The following RANBP2 variants were observed in gnomAD, a reference collection of about 807,000 sequenced individuals.
RANBP2 encodes the protein E3 SUMO-protein ligase RanBP2.
RANBP2 carries 57 observed loss-of-function variants against 303.6 expected under a neutral mutation model. The observed-to-expected ratio is 0.19, with a 90% CI of 0.15 to 0.23. The LOEUF is 0.23. RANBP2 is among the 10% of genes least tolerant of loss of function. The pLI is 1.00. For missense variants in RANBP2, 3,138 were observed against 3,780.8 expected, an observed-to-expected ratio of 0.83 and a Z score of 4.46; for synonymous variants, 1,167 against 1,301.5, an observed-to-expected ratio of 0.90 and a Z score of 2.23.
chr2:109,446,059 A>T, the RANBP2 span, among the ~76,000 whole-genome samples: 3 of 152,086 alleles, frequency 2.0e-5, no homozygotes, highest in East Asian at 5.8e-4. Context: ...TTCAAAGAAG[A>T]TGTGGGCTAC....
At chr2:108,986,407 T>TA in the RANBP2 span, among the ~76,000 whole-genome samples, 1,086 of 152,292 alleles carry the variant, frequency 7.1e-3, 8 homozygotes, top group South Asian at 0.028. Flanking sequence ...TACTCCACTC[T>TA]TATTTTTATA....
the RANBP2 span, among the ~76,000 whole-genome samples, chr2:109,376,610 AG>A: frequency 1.3e-5 from 2 of 152,252 alleles, no homozygotes; most frequent in Non-Finnish European, 2.9e-5. Flanking sequence ...TCGGTTGTCC[AG>A]GTAGAGTAAT....
the RANBP2 span, among the ~76,000 whole-genome samples, chr2:109,198,292 G>A: frequency 6.6e-6 from 1 of 152,174 alleles, no homozygotes; most frequent in Non-Finnish European, 1.5e-5. Flanking sequence ...ATCTCTAAAT[G>A]ACAGGAATTT....
chr2:109,648,171 T>C, the RANBP2 span, among the ~76,000 whole-genome samples: 1 of 152,146 alleles, frequency 6.6e-6, no homozygotes, highest in East Asian at 1.9e-4. Context: ...CGGGTGGGAA[T>C]GCTTGGCGTG....
At chr2:109,251,378 T>A in the RANBP2 span, 15 of 660,436 alleles carry the variant, frequency 2.3e-5, no homozygotes, top group African/African-American at 2.3e-4. Context: ...AGGGAGTCTG[T>A]GCATTCCTTT....
chr2:109,282,491 A>G, the RANBP2 span, among the ~76,000 whole-genome samples: 1 of 152,148 alleles, frequency 6.6e-6, no homozygotes, highest in East Asian at 1.9e-4. Flanking sequence ...GAGGGTCACC[A>G]AGACGCCGGC....
chr2:109,478,122 G>A, the RANBP2 span, among the ~76,000 whole-genome samples: 5 of 152,234 alleles, frequency 3.3e-5, no homozygotes, highest in Non-Finnish European at 7.3e-5. Flanking sequence ...CTCTGCAGCC[G>A]GAGAGGAGCT....
At chr2:109,598,857 G>C in the RANBP2 span, among the ~76,000 whole-genome samples, 1 of 151,714 alleles carries the variant, frequency 6.6e-6, no homozygotes, top group Non-Finnish European at 1.5e-5. Flanking sequence ...TCCAGCCTGG[G>C]TGACAGAGTG....
chr2:108,788,701 C>CAT, downstream of RANBP2: 1 of 1,059,662 alleles, frequency 9.4e-7, no homozygotes, highest in Admixed American at 3.0e-5. Context: ...GCCTGGGTGA[C>CAT]AGAGCGAGAC....
chr2:109,380,533 A>G, the RANBP2 span, among the ~76,000 whole-genome samples: 13 of 152,214 alleles, frequency 8.5e-5, no homozygotes, highest in Non-Finnish European at 1.8e-4. Flanking sequence ...CAGTTCTTGT[A>G]TATCTGTGGC....
At chr2:108,846,246 C>T in the RANBP2 span, among the ~76,000 whole-genome samples, 1 of 152,154 alleles carries the variant, frequency 6.6e-6, no homozygotes, top group African/African-American at 2.4e-5. Flanking sequence ...TATGTTCTTA[C>T]ATGTTTTAGA....
the RANBP2 span, chr2:109,732,944 G>A: frequency 1.5e-5 from 10 of 665,728 alleles, no homozygotes; most frequent in Non-Finnish European, 2.0e-5. Flanking sequence ...ACTGTCAAAC[G>A]GTGAAAAAAG....
the RANBP2 span, among the ~76,000 whole-genome samples, chr2:109,192,762 A>G: frequency 6.6e-6 from 1 of 152,218 alleles, no homozygotes; most frequent in African/African-American, 2.4e-5. Context: ...GCAGCCACCC[A>G]TGGAAGTCAC....
the RANBP2 span, among the ~76,000 whole-genome samples, chr2:109,505,515 TA>T: frequency 6.6e-6 from 1 of 152,022 alleles, no homozygotes; most frequent in Non-Finnish European, 1.5e-5. Context: ...GCAAATAAAA[TA>T]ATTTTTTTTA....
chr2:108,878,369 G>A, the RANBP2 span: 1 of 212,618 alleles, frequency 4.7e-6, no homozygotes. Context: ...AAGCAAAATT[G>A]TCTCATTCCC....
the RANBP2 span, among the ~76,000 whole-genome samples, chr2:109,318,190 A>G: frequency 6.6e-6 from 1 of 152,052 alleles, no homozygotes; most frequent in Admixed American, 6.5e-5. Flanking sequence ...TAAGCAAAAC[A>G]TAAGCATTTG....
chr2:109,422,547 A>AG, the RANBP2 span, among the ~76,000 whole-genome samples: 81 of 152,316 alleles, frequency 5.3e-4, no homozygotes, highest in South Asian at 1.4e-3. Flanking sequence ...CAGTGCATGG[A>AG]GGCGACTGTG....
the RANBP2 span, among the ~76,000 whole-genome samples, chr2:108,828,204 A>G: frequency 2.0e-5 from 3 of 152,238 alleles, no homozygotes; most frequent in African/African-American, 7.2e-5. Context: ...GTGAAACCAT[A>G]GAAAACCCAA....
chr2:108,921,780 G>C, the RANBP2 span, among the ~76,000 whole-genome samples: 1 of 152,224 alleles, frequency 6.6e-6, no homozygotes, highest in East Asian at 1.9e-4. Flanking sequence ...CCACCCCAAG[G>C]CCTATCTGGC....
Sources: gnomAD v4.1 joint callset for allele counts (sites outside exome capture counted in the v4.1 genomes callset) on GRCh38, gnomAD v4.1.1 for gene constraint, MANE v1.5 for transcripts, NCBI Gene and HGNC (gene_info 2026-07-23, HGNC 2026-07-21) for gene names.